The following INPP4B variants were observed in gnomAD, a reference collection of about 807,000 sequenced individuals.
INPP4B encodes inositol polyphosphate 4-phosphatase type II.
Under a neutral mutation model 122.5 loss-of-function variants are expected in INPP4B, and 55 were observed. The observed-to-expected ratio is 0.45, with a 90% confidence interval of 0.36 to 0.56. INPP4B has a LOEUF of 0.56. INPP4B is among the 20% of genes least tolerant of loss of function. The pLI is 0.00. For synonymous variants in INPP4B, 403 were observed against 388.7 expected (o/e 1.04, Z -0.43); for missense variants, 1,000 against 1,097.7 (o/e 0.91, Z 1.26).
At chr4:142,091,793 G>A (rs756334514) in intron 23 of INPP4B, among the ~76,000 whole-genome samples, 17 of 152,186 alleles carry the variant, frequency 1.1e-4, no homozygotes, top group East Asian at 1.9e-4. Flanking sequence ...GAATGGAACC[G>A]TGGCCTTTTA....
intron 2 of INPP4B, among the ~76,000 whole-genome samples, chr4:142,581,714 C>G (rs570596304): frequency 6.6e-6 from 1 of 151,970 alleles, no homozygotes; most frequent in South Asian, 2.1e-4. Flanking sequence ...CATTTTCCTT[C>G]AGATTACCTG....
intron 1 of INPP4B, among the ~76,000 whole-genome samples, chr4:142,732,240 G>C (rs1386794511): frequency 6.6e-6 from 1 of 152,072 alleles, no homozygotes; most frequent in Non-Finnish European, 1.5e-5. Flanking sequence ...AATGGTTCCA[G>C]TTTATCTAGC....
Position 142,160,574 on chromosome 4 carries a change from T to A in INPP4B, c.1360-13A>T. The A allele has an allele frequency of 6.3e-7, 1 of 1,583,322 alleles. No individual in the cohort carries two copies. The highest frequency in any genetic ancestry group is 8.6e-7 in the Non-Finnish European group (1 of 1,156,934). On this transcript the variant is annotated splice_polypyrimidine_tract_variant and intron_variant, in intron 16 of 25. Coordinates refer to ENST00000262992, the MANE Select transcript of INPP4B (RefSeq NM_001101669.3). Reference sequence around the variant, plus strand: ...CAAAAAGCTCTGTCTGGAAAGAAATTGACAAGGATTAGAAACACCTTGGTA... The same window carrying A: ...CAAAAAGCTCTGTCTGGAAAGAAATAGACAAGGATTAGAAACACCTTGGTA...
At chr4:142,235,279 G>T (rs759418971) in intron 12 of INPP4B, among the ~76,000 whole-genome samples, 1 of 151,754 alleles carries the variant, frequency 6.6e-6, no homozygotes, top group Non-Finnish European at 1.5e-5. Context: ...AAATGAAGTG[G>T]TGTTAATGAT....
intron 2 of INPP4B, chr4:142,497,068 G>T (rs1338524146): frequency 6.6e-6 from 1 of 152,042 alleles, no homozygotes. Flanking sequence ...TTGTTTTAGG[G>T]GATTCGTTAG....
intron 2 of INPP4B, among the ~76,000 whole-genome samples, chr4:142,684,735 G>T (rs77780628): frequency 2.0e-5 from 3 of 152,026 alleles, no homozygotes; most frequent in African/African-American, 7.2e-5. Flanking sequence ...ATATTTAGCC[G>T]CAGCCATTTC....
chr4:142,734,551 G>A (rs976725830), intron 1 of INPP4B, among the ~76,000 whole-genome samples: 1 of 152,104 alleles, frequency 6.6e-6, no homozygotes, highest in Non-Finnish European at 1.5e-5. Flanking sequence ...CTTAAGATTT[G>A]CTCACTTTTC....
At chr4:142,577,414 T>G (rs1207552054) in intron 2 of INPP4B, among the ~76,000 whole-genome samples, 2 of 152,028 alleles carry the variant, frequency 1.3e-5, no homozygotes, top group Admixed American at 6.6e-5. Flanking sequence ...TTATGTCTAG[T>G]TCTATGCTAT....
chr4:142,786,286 T>C (rs1164206002), intron 1 of INPP4B, among the ~76,000 whole-genome samples: 3 of 152,062 alleles, frequency 2.0e-5, no homozygotes, highest in Admixed American at 1.3e-4. Context: ...AACCTCATAT[T>C]GATGGGACTA....
intron 1 of INPP4B, among the ~76,000 whole-genome samples, chr4:142,839,445 C>CA (rs61042683): frequency 0.029 from 4,426 of 151,610 alleles, 182 homozygotes; most frequent in African/African-American, 0.096. Context: ...ACAACAACAA[C>CA]AAAAAAAATG....
At chr4:142,172,390 A>C (rs1826045876) in intron 16 of INPP4B, among the ~76,000 whole-genome samples, 1 of 151,974 alleles carries the variant, frequency 6.6e-6, no homozygotes, top group African/African-American at 2.4e-5. Context: ...TGATTAAATA[A>C]AATGACATAA....
intron 2 of INPP4B, among the ~76,000 whole-genome samples, chr4:142,599,903 A>T (rs1353442015): frequency 6.6e-6 from 1 of 151,910 alleles, no homozygotes; most frequent in East Asian, 1.9e-4. Context: ...ACTCAATGAT[A>T]GACTAGACCA....
chr4:142,831,600 G>T (rs1488734446), intron 1 of INPP4B, among the ~76,000 whole-genome samples: 1 of 152,174 alleles, frequency 6.6e-6, no homozygotes, highest in African/African-American at 2.4e-5. Context: ...AGATTCTCTT[G>T]TGTTTTCAAT....
intron 2 of INPP4B, among the ~76,000 whole-genome samples, chr4:142,610,349 C>G (rs958737551): frequency 6.6e-6 from 1 of 152,156 alleles, no homozygotes; most frequent in Non-Finnish European, 1.5e-5. Context: ...ATAAATTACT[C>G]AGTCTTGGCT....
intron 2 of INPP4B, among the ~76,000 whole-genome samples, chr4:142,554,283 T>C (rs1462805872): frequency 4.7e-5 from 7 of 149,918 alleles, no homozygotes; most frequent in Admixed American, 3.3e-4. Context: ...ATGTTTTCTA[T>C]TAAAAAGCTT....
intron 11 of INPP4B, among the ~76,000 whole-genome samples, chr4:142,244,477 G>T (rs1350338325): frequency 6.6e-6 from 1 of 151,396 alleles, no homozygotes; most frequent in Admixed American, 6.6e-5. Flanking sequence ...TTATATTTTT[G>T]TATTTTTAGT....
At chr4:142,521,845 G>T (rs972012286) in intron 2 of INPP4B, among the ~76,000 whole-genome samples, 5 of 152,018 alleles carry the variant, frequency 3.3e-5, no homozygotes, top group African/African-American at 1.2e-4. Flanking sequence ...CTATGATAAT[G>T]CATATAGAAT....
chr4:142,366,072 C>A (rs1475400201), intron 7 of INPP4B, among the ~76,000 whole-genome samples: 1 of 151,974 alleles, frequency 6.6e-6, no homozygotes, highest in Non-Finnish European at 1.5e-5. Context: ...TGACATTCCA[C>A]CATTGTAATT....
chr4:142,721,040 C>T (rs1346486116), intron 2 of INPP4B, among the ~76,000 whole-genome samples: 2 of 150,146 alleles, frequency 1.3e-5, no homozygotes, highest in African/African-American at 4.9e-5. Flanking sequence ...TATTTGTAGC[C>T]CAGATCACTT....
Sources: allele counts gnomAD v4.1 joint callset (sites outside exome capture counted in the v4.1 genomes callset), GRCh38; gene constraint gnomAD v4.1.1; transcripts MANE v1.5; gene names NCBI Gene and HGNC (gene_info 2026-07-23, HGNC 2026-07-21).